Variants in DMD observed in about 807,000 individuals in gnomAD.
DMD encodes dystrophin.
DMD carries 63 observed loss-of-function variants against 330.1 expected under a neutral mutation model. That is an observed-to-expected ratio of 0.19 (90% CI 0.16 to 0.24). The LOEUF (loss-of-function observed/expected upper bound fraction) is 0.24, where lower values mean the gene tolerates loss of function less well. DMD is among the 10% of genes least tolerant of loss of function. The probability of loss-of-function intolerance (pLI) is 1.00; values close to 1 mark genes in which losing one functional copy is unlikely to be tolerated. For synonymous variants in DMD, 1,223 were observed against 959.8 expected, an observed-to-expected ratio of 1.27 and a Z score of -5.07; for missense variants, 3,344 against 2,684.1, an observed-to-expected ratio of 1.25 and a Z score of -5.43.
At chrX:31,982,421 A>G (rs1388274992) in intron 44 of DMD, among the ~76,000 whole-genome samples, 1 of 111,570 alleles carries the variant, frequency 9.0e-6, no homozygotes, top group Non-Finnish European at 1.9e-5. Flanking sequence ...AGGAAATAAG[A>G]TTGCAGAGTA....
At chrX:33,286,856 T>A (rs2053440780) in intron 1 of DMD, among the ~76,000 whole-genome samples, 1 of 112,390 alleles carries the variant, frequency 8.9e-6, no homozygotes, top group Non-Finnish European at 1.9e-5. Context: ...TGAGTGGAAG[T>A]AATTTGTGTC....
chrX:33,078,200 C>G (rs1289631152), intron 1 of DMD, among the ~76,000 whole-genome samples: 1 of 111,235 alleles, frequency 9.0e-6, no homozygotes, highest in Non-Finnish European at 1.9e-5. Context: ...GGTCAGGAAC[C>G]TTGTACAGGG....
At chrX:32,016,812 A>T (rs2095764580) in intron 44 of DMD, among the ~76,000 whole-genome samples, 1 of 112,725 alleles carries the variant, frequency 8.9e-6, no homozygotes, top group African/African-American at 3.2e-5. Context: ...CTCAGTAAAT[A>T]TCTGCCTGAT....
chrX:32,555,696 T>G (rs750362412), intron 16 of DMD, among the ~76,000 whole-genome samples: 12 of 111,514 alleles, frequency 1.1e-4, no homozygotes, highest in Non-Finnish European at 2.1e-4. Context: ...CCATCTGATC[T>G]TCGACAAACC....
intron 60 of DMD, among the ~76,000 whole-genome samples, chrX:31,442,526 T>C (rs888765262): frequency 5.6e-5 from 6 of 107,787 alleles, no homozygotes; most frequent in Non-Finnish European, 1.1e-4. Context: ...GCAACTAGAA[T>C]GGATCACTTA....
chrX:31,998,733 T>G (rs1163084987), intron 44 of DMD, among the ~76,000 whole-genome samples: 1 of 112,004 alleles, frequency 8.9e-6, no homozygotes, highest in Non-Finnish European at 1.9e-5. Flanking sequence ...GCTTACAATT[T>G]CATTAAAATA....
intron 51 of DMD, among the ~76,000 whole-genome samples, chrX:31,747,261 T>C (rs761225980): frequency 2.8e-3 from 313 of 111,783 alleles, no homozygotes; most frequent in Non-Finnish European, 4.7e-3. Context: ...ATTTCTATAA[T>C]AAAACAATGA....
chrX:31,883,305 AGG>A (rs1250379655), intron 47 of DMD, among the ~76,000 whole-genome samples: 1 of 111,217 alleles, frequency 9.0e-6, no homozygotes, highest in African/African-American at 3.3e-5. Flanking sequence ...TCTTTGGGAG[AGG>A]GTGGTGGCAG....
At chrX:32,701,742 G>A (rs1301276218) in intron 7 of DMD, among the ~76,000 whole-genome samples, 1 of 111,502 alleles carries the variant, frequency 9.0e-6, no homozygotes, top group African/African-American at 3.3e-5. Context: ...ACACATGCAT[G>A]TATGTTTGGT....
chrX:32,791,248 C>T (rs1035610744), intron 7 of DMD, among the ~76,000 whole-genome samples: 1 of 112,088 alleles, frequency 8.9e-6, no homozygotes, highest in African/African-American at 3.2e-5. Flanking sequence ...ATTACCCGCA[C>T]CATGCTTGCT....
chrX:32,730,272 G>T (rs1490926568), intron 7 of DMD, among the ~76,000 whole-genome samples: 1 of 112,332 alleles, frequency 8.9e-6, no homozygotes, highest in Non-Finnish European at 1.9e-5. Context: ...CTTGACTCAG[G>T]AGTTGGAGGC....
At chrX:32,628,199 A>C (rs2058480081) in intron 11 of DMD, among the ~76,000 whole-genome samples, 1 of 96,594 alleles carries the variant, frequency 1.0e-5, no homozygotes, top group Non-Finnish European at 2.0e-5. Context: ...ACCCACTAGC[A>C]TTCCCATCCT....
chrX:32,010,518 T>C (rs1368807660), intron 44 of DMD, among the ~76,000 whole-genome samples: 1 of 112,013 alleles, frequency 8.9e-6, no homozygotes, highest in Non-Finnish European at 1.9e-5. Context: ...TATACTTTGT[T>C]GTCTTCTATC....
intron 1 of DMD, among the ~76,000 whole-genome samples, chrX:33,252,078 C>G (rs562477130): frequency 8.9e-6 from 1 of 111,833 alleles, no homozygotes; most frequent in African/African-American, 3.2e-5. Context: ...AATGTTTCAG[C>G]TTTCTTTTTA....
chrX:32,878,696 G>A (rs1372011712), intron 2 of DMD, among the ~76,000 whole-genome samples: 1 of 110,679 alleles, frequency 9.0e-6, no homozygotes, highest in Non-Finnish European at 1.9e-5. Context: ...GAAAAGAGTG[G>A]TGAGGTAGGG....
chrX:32,870,967 A>G (rs1356123292), intron 2 of DMD, among the ~76,000 whole-genome samples: 1 of 65,431 alleles, frequency 1.5e-5, no homozygotes, highest in African/African-American at 5.7e-5. Context: ...GCAAAAAAAA[A>G]AAAAAAAAAA....
intron 51 of DMD, among the ~76,000 whole-genome samples, chrX:31,755,696 A>G (rs2089009875): frequency 8.9e-6 from 1 of 111,752 alleles, no homozygotes; most frequent in Admixed American, 9.5e-5. Flanking sequence ...AATACATTTG[A>G]CTTTATTCTT....
chrX:32,491,548 C>T (rs765176301), intron 19 of DMD, 30 bp from the exon 20 acceptor site: 2 of 1,182,584 alleles, frequency 1.7e-6, no homozygotes, highest in East Asian at 3.0e-5. Context: ...TAAATATATC[C>T]CCTGAACCCA....
At chrX:31,696,154 A>C (rs949566028) in intron 52 of DMD, among the ~76,000 whole-genome samples, 2 of 111,867 alleles carry the variant, frequency 1.8e-5, no homozygotes, top group Non-Finnish European at 3.8e-5. Flanking sequence ...TATATTCACC[A>C]AAAACCATGT....
Sources: gnomAD v4.1 joint callset for allele counts (sites outside exome capture counted in the v4.1 genomes callset) on GRCh38, gnomAD v4.1.1 for gene constraint, MANE v1.5 for transcripts, NCBI Gene and HGNC (gene_info 2026-07-23, HGNC 2026-07-21) for gene names.